The following DCC variants were observed in gnomAD, a reference collection of about 807,000 sequenced individuals.
The protein encoded by DCC is netrin receptor DCC.
A neutral mutation model predicts 172.5 loss-of-function variants in DCC; 58 were observed. The ratio of observed to expected loss-of-function variants is 0.34; its 90% CI spans 0.27 to 0.42. DCC has a LOEUF of 0.42. Among genes scored for constraint, DCC ranks in the 10% least tolerant of loss-of-function variants. The probability of loss-of-function intolerance (pLI) is 1.00; values close to 1 mark genes in which losing one functional copy is unlikely to be tolerated. For synonymous variants in DCC, 709 were observed against 644.5 expected (o/e 1.10, Z -1.52); for missense variants, 1,740 against 1,791.0 (o/e 0.97, Z 0.51).
chr18:52,990,108 C>T lies in DCC; in HGVS notation c.985+64738C>T, dbSNP rs1457663952. On this transcript the variant is annotated intron_variant, in intron 5 of 28. Coordinates refer to ENST00000442544, the MANE Select transcript of DCC (RefSeq NM_005215.4). ...TGACAAAATTAAAGCTGAGATGTTA[C>T]CTTATTCTTTCAAGCAACCATAGTA... Among the ~76,000 whole-genome samples, 4 of 152,008 alleles carry T rather than the reference C, an allele frequency of 2.6e-5. No individual in the cohort carries two copies. In the East Asian group the frequency reaches 7.7e-4, roughly 29 times the overall value.
intron 13 of DCC, among the ~76,000 whole-genome samples, chr18:53,316,227 T>A (rs2057342262): frequency 6.6e-6 from 1 of 152,182 alleles, no homozygotes. Context: ...TCCCCATTGC[T>A]TGTTTTTCTC....
At chr18:52,917,246 G>A (rs949925436) in intron 3 of DCC, among the ~76,000 whole-genome samples, 3 of 152,042 alleles carry the variant, frequency 2.0e-5, no homozygotes, top group Non-Finnish European at 2.9e-5. Flanking sequence ...TTGAGCCAGG[G>A]AGGTGGAGGT....
At chr18:52,884,488 T>C (rs1313016530) in intron 2 of DCC, among the ~76,000 whole-genome samples, 1 of 152,188 alleles carries the variant, frequency 6.6e-6, no homozygotes. Flanking sequence ...GGGACTCTGA[T>C]GCATTCTTCA....
intron 2 of DCC, among the ~76,000 whole-genome samples, chr18:52,821,693 T>C (rs551061857): frequency 6.6e-6 from 1 of 152,342 alleles, no homozygotes; most frequent in Non-Finnish European, 1.5e-5. Context: ...GAGTACTTCT[T>C]TATTGGAATG....
chr18:53,081,524 A>G (rs1298722644), intron 7 of DCC, among the ~76,000 whole-genome samples: 5 of 151,964 alleles, frequency 3.3e-5, no homozygotes, highest in Non-Finnish European at 5.9e-5. Context: ...TTAAAAAGAA[A>G]AAAAAAAAGA....
chr18:52,914,064 T>C (rs2040006686), intron 3 of DCC, among the ~76,000 whole-genome samples: 1 of 152,108 alleles, frequency 6.6e-6, no homozygotes, highest in Non-Finnish European at 1.5e-5. Context: ...CACAAACCCA[T>C]TGCTTTTCTG....
At chr18:52,525,709 T>C (rs1441076568) in intron 1 of DCC, among the ~76,000 whole-genome samples, 1 of 152,178 alleles carries the variant, frequency 6.6e-6, no homozygotes, top group Non-Finnish European at 1.5e-5. Flanking sequence ...GCTGATTAAG[T>C]GGAGAACAGA....
intron 12 of DCC, among the ~76,000 whole-genome samples, chr18:53,230,425 C>A (rs1008621118): frequency 3.3e-5 from 5 of 151,994 alleles, no homozygotes; most frequent in African/African-American, 1.2e-4. Flanking sequence ...ACAAAGTTCT[C>A]TTTCCTTAAG....
rs1202682090 is a variant in DCC at position 53,251,618 on chromosome 18, T to C, written c.1911+36021T>C. Among the ~76,000 whole-genome samples the C allele has an allele frequency of 2.0e-5, 3 of 152,072 alleles. No individual in the cohort carries two copies. The East Asian group carries it at 5.8e-4, about 30-fold the overall frequency. On this transcript the variant is annotated intron_variant, in intron 12 of 28. Coordinates refer to ENST00000442544, the MANE Select transcript of DCC (RefSeq NM_005215.4). ...ATGGATTCTCTTTGAAATCACATAC[T>C]CTTTTTTGGGTTTTTTAAAAAGTTA...
chr18:53,169,967 C>A (rs1390795973), intron 8 of DCC, among the ~76,000 whole-genome samples: 1 of 152,084 alleles, frequency 6.6e-6, no homozygotes, highest in African/African-American at 2.4e-5. Flanking sequence ...CCCTTCCAAA[C>A]TCAGATGTTA....
chr18:53,524,614 A>G (rs530752925), intron 27 of DCC, among the ~76,000 whole-genome samples: 134 of 152,214 alleles, frequency 8.8e-4, no homozygotes, highest in African/African-American at 2.9e-3. Flanking sequence ...GGAGTTGATT[A>G]AAGTCTTACT....
At chr18:53,351,320 G>GTATATATATATATATATATACACTGTA (rs201328758) in intron 15 of DCC, among the ~76,000 whole-genome samples, 2 of 29,632 alleles carry the variant, frequency 6.7e-5, no homozygotes, top group African/African-American at 2.3e-4. Context: ...TATATACACT[G>GTATATATATATATATATATACACTGTA]TATATATATA....
chr18:53,092,460 G>A (rs1466564125), intron 7 of DCC, among the ~76,000 whole-genome samples: 1 of 152,100 alleles, frequency 6.6e-6, no homozygotes, highest in East Asian at 1.9e-4. Flanking sequence ...TATAAAGCAA[G>A]CACTCCATCA....
At chr18:53,026,747 T>C (rs945472252) in intron 5 of DCC, among the ~76,000 whole-genome samples, 4 of 151,936 alleles carry the variant, frequency 2.6e-5, no homozygotes, top group African/African-American at 7.2e-5. Flanking sequence ...TTTTTTTTTA[T>C]AGAAACAGTC....
At chr18:53,118,484 TGACG>T (rs1242914924) in intron 7 of DCC, among the ~76,000 whole-genome samples, 5 of 151,802 alleles carry the variant, frequency 3.3e-5, no homozygotes, top group African/African-American at 4.8e-5. Flanking sequence ...CTTGTTTCAC[TGACG>T]ATTGCCCTTG....
intron 2 of DCC, among the ~76,000 whole-genome samples, chr18:52,799,028 C>T (rs763842568): frequency 5.9e-5 from 9 of 152,178 alleles, no homozygotes; most frequent in South Asian, 4.1e-4. Flanking sequence ...GGATTACAGG[C>T]GTGAGCCACC....
chr18:52,715,396 G>T (rs1340384752), intron 1 of DCC, among the ~76,000 whole-genome samples: 1 of 151,498 alleles, frequency 6.6e-6, no homozygotes, highest in African/African-American at 2.4e-5. Context: ...ACCTCCTGGG[G>T]TCAAGTGATT....
chr18:52,455,882 C>A (rs761254487), intron 1 of DCC, among the ~76,000 whole-genome samples: 11 of 152,186 alleles, frequency 7.2e-5, no homozygotes, highest in Non-Finnish European at 1.5e-4. Context: ...TTATGGCACA[C>A]TCCATCCCTA....
intron 1 of DCC, among the ~76,000 whole-genome samples, chr18:52,479,153 G>C (rs1172832280): frequency 6.6e-6 from 1 of 152,158 alleles, no homozygotes; most frequent in East Asian, 1.9e-4. Context: ...GATATGTACA[G>C]TGCATATTAG....
Sources: allele counts gnomAD v4.1 joint callset (sites outside exome capture counted in the v4.1 genomes callset), GRCh38; gene constraint gnomAD v4.1.1; transcripts MANE v1.5; gene names NCBI Gene and HGNC (gene_info 2026-07-23, HGNC 2026-07-21).